The following CCDC18 variants were observed in gnomAD, a reference collection of about 807,000 sequenced individuals.
CCDC18 encodes the protein coiled-coil domain-containing protein 18.
CCDC18 carries 157 observed loss-of-function variants against 196.0 expected under a neutral mutation model. That is an observed-to-expected ratio of 0.80 (90% confidence interval 0.70 to 0.91). CCDC18 has a LOEUF of 0.91. Ranked by LOEUF, CCDC18 falls within the 40% of genes least tolerant of loss-of-function variation. The pLI is 0.00. For missense variants in CCDC18, 1,465 were observed against 1,611.6 expected (o/e 0.91, Z 1.56); for synonymous variants, 482 against 529.2 (o/e 0.91, Z 1.22).
At chr1:93,206,569 T>C (rs1654731229) in intron 8 of CCDC18, among the ~76,000 whole-genome samples, 1 of 152,174 alleles carries the variant, frequency 6.6e-6, no homozygotes, top group South Asian at 2.1e-4. Context: ...CTAAAATGTC[T>C]AAGTTTTTCC....
rs1660475020 is a variant in CCDC18, at chr1:93,239,432, TAGATC to T, written c.2730_2734del (p.Gln911LysfsTer22). 1 of 1,612,770 alleles carries T rather than the reference TAGATC, an allele frequency of 6.2e-7. No homozygotes were observed. Among genetic ancestry groups the T allele is most frequent in the Non-Finnish European group, 8.5e-7 (1 of 1,179,512 alleles). Reference sequence around the variant, plus strand: ...CACCTCTCTCAATTAGATATGATCTTAGATCAGACAAAGACAGAGCTAGAAAAGAA... The same window carrying T: ...CACCTCTCTCAATTAGATATGATCTTAGACAAAGACAGAGCTAGAAAAGAA... On this transcript the variant is annotated frameshift_variant, in exon 20 of 29. Transcript: ENST00000690025. LOFTEE classifies it high-confidence loss of function.
chr1:93,219,324 G>GT (rs774878535), intron 14 of CCDC18, among the ~76,000 whole-genome samples: 2 of 151,860 alleles, frequency 1.3e-5, no homozygotes, highest in Non-Finnish European at 2.9e-5. Flanking sequence ...TCAGCATGCA[G>GT]TTTTTTTTCT....
chr1:93,228,517 A>C (rs1658753486), intron 17 of CCDC18, among the ~76,000 whole-genome samples: 1 of 152,124 alleles, frequency 6.6e-6, no homozygotes, highest in African/African-American at 2.4e-5. Flanking sequence ...TAAAAAAAAA[A>C]AAAAAAACTT....
At chr1:93,220,563 C>T (rs563373254) in intron 14 of CCDC18, among the ~76,000 whole-genome samples, 6 of 152,108 alleles carry the variant, frequency 3.9e-5, no homozygotes, top group Non-Finnish European at 8.8e-5. Context: ...CATGTGACAA[C>T]GACAGTGTAA....
chr1:93,226,298 G>GTTTTTTT (rs34227600), intron 16 of CCDC18, 35 bp from the exon 17 acceptor site: 25 of 590,454 alleles, frequency 4.2e-5, no homozygotes, highest in Middle Eastern at 3.3e-4. Context: ...ATCGTTTTGT[G>GTTTTTTT]TTTTTTTTTT....
intron 18 of CCDC18, 72 bp downstream of exon 18, chr1:93,232,665 C>A: frequency 1.6e-6 from 2 of 1,231,852 alleles, no homozygotes; most frequent in South Asian, 1.5e-5. Context: ...ATAGATTTTT[C>A]GTTAGTTTTT....
At chr1:93,220,290 C>T (rs554912844) in intron 14 of CCDC18, among the ~76,000 whole-genome samples, 1 of 152,136 alleles carries the variant, frequency 6.6e-6, no homozygotes, top group East Asian at 1.9e-4. Context: ...AACAAAAATA[C>T]TCTCTAGGAA....
chr1:93,258,941 T>C (rs1379842275), intron 26 of CCDC18, 56 bp downstream of exon 26: 6 of 1,445,616 alleles, frequency 4.2e-6, no homozygotes, highest in South Asian at 2.8e-5. Context: ...TTGACCTATC[T>C]GGACAAAAGT....
rs1664996699 is a variant in CCDC18 at position 93,269,473 on chromosome 1, A to T, written c.3886-874A>T. On this transcript the variant is annotated intron_variant, in intron 27 of 28. Coordinates refer to ENST00000690025, the MANE Select transcript of CCDC18 (RefSeq NM_001378204.1). ...TTAGATGAAGTAGTAAAAAAAAAAA[A>T]AAAGGAAAATACCAAAATATGCGTG... Among the ~76,000 whole-genome samples, 4 of 152,180 alleles carry T rather than the reference A, an allele frequency of 2.6e-5. No homozygotes were observed. In the South Asian group the frequency reaches 8.3e-4, roughly 32 times the overall value.
chr1:93,193,579 T>C lies in CCDC18; in HGVS notation c.570-37T>C, dbSNP rs748050225. On this transcript the variant is annotated intron_variant, in intron 5 of 28. Coordinates refer to ENST00000690025, the MANE Select transcript of CCDC18 (RefSeq NM_001378204.1). ...ATTCTTGCATACCTGGGATAATCTC[T>C]TTAGTAGTCTTAAACAAAGTATCCT... The C allele has an allele frequency of 7.6e-6, 11 of 1,447,524 alleles. No homozygotes were observed. The East Asian group carries it at 2.7e-4, about 36-fold the overall frequency. The allele number at this position is 1,447,524 out of a possible 1,614,324, so 89.7% of individuals were successfully genotyped here.
intron 25 of CCDC18, among the ~76,000 whole-genome samples, chr1:93,257,685 G>A (rs147308236): frequency 1.3e-5 from 2 of 152,116 alleles, no homozygotes; most frequent in East Asian, 1.9e-4. Flanking sequence ...TATACATTTG[G>A]GGTTCTAGGA....
chr1:93,258,663 A>G (rs917727638), intron 25 of CCDC18, 85 bp from the exon 26 acceptor site: 2 of 1,082,838 alleles, frequency 1.8e-6, no homozygotes, highest in South Asian at 2.3e-5. Flanking sequence ...AAATTAAACT[A>G]CTTCCAATAA....
chr1:93,265,361 T>G (rs1316026382), intron 27 of CCDC18, among the ~76,000 whole-genome samples: 4 of 152,212 alleles, frequency 2.6e-5, no homozygotes. Context: ...TACAATTACG[T>G]TCACAACAGT....
At chr1:93,212,413 T>G (rs1655804783) in intron 11 of CCDC18, 152 bp downstream of exon 11, 1 of 477,354 alleles carries the variant, frequency 2.1e-6, no homozygotes, top group Non-Finnish European at 3.6e-6. Flanking sequence ...TCATGGAGGT[T>G]TGTTTTACAG....
chr1:93,216,561 G>A, intron 12 of CCDC18, 75 bp from the exon 13 acceptor site: 1 of 653,530 alleles, frequency 1.5e-6, no homozygotes, highest in Admixed American at 3.5e-5. Context: ...TGAAAGAGGA[G>A]CAGGTGTTTG....
At chr1:93,218,945 A>G (rs536494148) in intron 14 of CCDC18, among the ~76,000 whole-genome samples, 2 of 152,224 alleles carry the variant, frequency 1.3e-5, no homozygotes, top group Non-Finnish European at 2.9e-5. Context: ...ATGTGACAGC[A>G]GCTGCTTCAT....
At position 93,254,459 on chromosome 1, in the gene CCDC18, T is replaced by C; in HGVS notation, c.3199-12T>C. The C allele has an allele frequency of 6.5e-7, 1 of 1,546,200 alleles. No homozygotes were observed. Among genetic ancestry groups the C allele is most frequent in the Non-Finnish European group, 8.8e-7 (1 of 1,133,082 alleles). ...TAATTTTACTGATACTGCTTATCTG[T>C]TTAAAATTCAGATAGAAAGTCTGAA... On this transcript the variant is annotated splice_polypyrimidine_tract_variant and intron_variant, in intron 23 of 28. Coordinates refer to ENST00000690025, the MANE Select transcript of CCDC18 (RefSeq NM_001378204.1).
At chr1:93,220,539 A>T (rs1245996179) in intron 14 of CCDC18, among the ~76,000 whole-genome samples, 1 of 152,226 alleles carries the variant, frequency 6.6e-6, no homozygotes, top group Non-Finnish European at 1.5e-5. Flanking sequence ...CTGATGAGGT[A>T]TATTGATATA....
chr1:93,223,768 A>G (rs1657818013), intron 16 of CCDC18, among the ~76,000 whole-genome samples: 1 of 152,172 alleles, frequency 6.6e-6, no homozygotes, highest in African/African-American at 2.4e-5. Flanking sequence ...TAAACATAAA[A>G]GAAGAGTTTA....
Sources: gnomAD v4.1 joint callset for allele counts (sites outside exome capture counted in the v4.1 genomes callset) on GRCh38, gnomAD v4.1.1 for gene constraint, MANE v1.5 for transcripts, NCBI Gene and HGNC (gene_info 2026-07-23, HGNC 2026-07-21) for gene names.